Variants in PACS2 observed in about 807,000 individuals in gnomAD.
PACS2 encodes phosphofurin acidic cluster sorting protein 2.
In PACS2, 36 loss-of-function variants were observed where a neutral mutation model predicts 113.0. The ratio of observed to expected loss-of-function variants is 0.32; its 90% CI spans 0.24 to 0.42. The LOEUF is 0.42. Among genes scored for constraint, PACS2 ranks in the 10% least tolerant of loss-of-function variants. The probability of loss-of-function intolerance (pLI) is 1.00; values close to 1 mark genes in which losing one functional copy is unlikely to be tolerated. For synonymous variants in PACS2, 589 were observed against 536.1 expected (o/e 1.10, Z -1.36); for missense variants, 1,015 against 1,239.5 (o/e 0.82, Z 2.72).
upstream of PACS2, among the ~76,000 whole-genome samples, chr14:105,309,637 G>C (rs1386414382): frequency 6.6e-6 from 1 of 152,240 alleles, no homozygotes; most frequent in African/African-American, 2.4e-5. The surrounding 1 kb of genome is among the most constrained non-coding windows in gnomAD (Gnocchi z 4.0). Context: ...CCTGCCCCAG[G>C]TGCTGTGTGA....
rs766738384 is a variant in PACS2 at position 105,329,537 on chromosome 14, G to T, written c.119+14500G>T. Reference sequence around the variant, plus strand: ...ATGCTCTAGATCCTTGGGCTCATGGGGCAGTAGAGTGGGGGGCTGTGGTCC... The same window carrying T: ...ATGCTCTAGATCCTTGGGCTCATGGTGCAGTAGAGTGGGGGGCTGTGGTCC... On this transcript the variant is annotated intron_variant, in intron 1 of 24. Transcript: ENST00000447393. This position sits in a 1 kb window ranked among gnomAD's most constrained non-coding sequence, Gnocchi z 6.4. 1.2e-4 allele frequency among the ~76,000 whole-genome samples: 19 copies of T among 152,132 alleles called. No individual in the cohort carries two copies. The highest frequency in any genetic ancestry group is 2.4e-4 in the Non-Finnish European group (16 of 68,024).
Position 105,368,559 on chromosome 14 carries a change from A to G in PACS2, c.741+20A>G, listed in dbSNP as rs587684556. On this transcript the variant is annotated intron_variant, in intron 7 of 24. Coordinates refer to ENST00000447393, the MANE Select transcript of PACS2 (RefSeq NM_001100913.3). ...ACCAGGGTTGGTGGAGACTGCTTCT[A>G]TGAATGCTGGGGAAGGCGAGGGTCG... The G allele has an allele frequency of 1.6e-5, 26 of 1,594,362 alleles. No individual in the cohort carries two copies. Among genetic ancestry groups the G allele is most frequent in the East Asian group, 1.1e-4 (5 of 44,766 alleles).
intron 2 of PACS2, among the ~76,000 whole-genome samples, chr14:105,349,731 A>G (rs1555403466): frequency 6.6e-6 from 1 of 152,274 alleles, no homozygotes. Context: ...GCAGCAGCCT[A>G]CATCTGCGGC....
chr14:105,313,497 G>GA (rs2058410955), upstream of PACS2, among the ~76,000 whole-genome samples: 1 of 152,244 alleles, frequency 6.6e-6, no homozygotes, highest in Non-Finnish European at 1.5e-5. Context: ...TCCGAAGTGG[G>GA]ACCCTGACTT....
At chr14:105,309,759 A>C (rs1296681939), upstream of PACS2, among the ~76,000 whole-genome samples, 13 of 144,894 alleles carry the variant, frequency 9.0e-5, no homozygotes. The surrounding 1 kb of genome is among the most constrained non-coding windows in gnomAD (Gnocchi z 4.0). Context: ...CATTAAGGAG[A>C]AGGTGGTGAT....
At position 105,357,934 on chromosome 14, in the gene PACS2, C is replaced by T. The variant is rs2060518811; in HGVS notation, c.423+2757C>T. On this transcript the variant is annotated intron_variant, in intron 4 of 24. Transcript: ENST00000447393. The surrounding 1 kb of genome is among the most constrained non-coding windows in gnomAD (Gnocchi z 5.1). The stretch of plus-strand genomic sequence containing the variant: ...GGTGAGGCGGGCTGTTGGGCGGACT[C>T]GAGGCCAGGGCTGAGAGTGTGGTGG... Among the ~76,000 whole-genome samples, 2 of 152,034 alleles carry T rather than the reference C, an allele frequency of 1.3e-5. No homozygotes were observed. The highest frequency in any genetic ancestry group is 2.4e-5 in the African/African-American group (1 of 41,398).
intron 22 of PACS2, chr14:105,392,101 C>T (rs909251016): frequency 1.8e-5 from 7 of 386,172 alleles, no homozygotes; most frequent in African/African-American, 1.3e-4. Context: ...TCTAGACGGT[C>T]CTCATGGGAT....
intron 8 of PACS2, among the ~76,000 whole-genome samples, chr14:105,374,120 A>G (rs1447433212): frequency 6.7e-6 from 1 of 149,898 alleles, no homozygotes; most frequent in Non-Finnish European, 1.5e-5. Flanking sequence ...GCATCATTGC[A>G]CTCCAGCCTG....
chr14:105,390,995 G>A (rs374740742), intron 20 of PACS2: 29 of 596,910 alleles, frequency 4.9e-5, no homozygotes, highest in Non-Finnish European at 7.8e-5. Flanking sequence ...CTGAGGCCAC[G>A]CACCCTGAGC....
chr14:105,339,893 C>T (rs938437811), intron 1 of PACS2, among the ~76,000 whole-genome samples: 1 of 152,232 alleles, frequency 6.6e-6, no homozygotes, highest in East Asian at 1.9e-4. Flanking sequence ...ATCAGCCCTC[C>T]TCGGCCTCCC....
intron 1 of PACS2, among the ~76,000 whole-genome samples, chr14:105,322,129 G>C (rs1428552053): frequency 6.6e-6 from 1 of 151,556 alleles, no homozygotes; most frequent in South Asian, 2.1e-4. Context: ...GTAGAGACGG[G>C]GTTTCACCAT....
In PACS2 at chr14:105,358,841, C is replaced by T. The variant is rs1052489529; in HGVS notation, c.423+3664C>T. 2.6e-5 allele frequency among the ~76,000 whole-genome samples: 4 copies of T among 152,182 alleles called. No individual in the cohort carries two copies. Among genetic ancestry groups the T allele is most frequent in the Admixed American group, 6.5e-5 (1 of 15,280 alleles). On this transcript the variant is annotated intron_variant, in intron 4 of 24. Coordinates refer to ENST00000447393, the MANE Select transcript of PACS2 (RefSeq NM_001100913.3). The surrounding 1 kb of genome is among the most constrained non-coding windows in gnomAD (Gnocchi z 4.9). Reference sequence around the variant, plus strand: ...GACAGCGCGGGAGCGTCACCCTGACCGTTTGCATGCTGGATTCCCTTTAGT... The same window carrying T: ...GACAGCGCGGGAGCGTCACCCTGACTGTTTGCATGCTGGATTCCCTTTAGT...
At chr14:105,382,644 A>C in intron 14 of PACS2, 63 bp downstream of exon 14, 1 of 1,126,178 alleles carries the variant, frequency 8.9e-7, no homozygotes. Context: ...TGGGTTCCTG[A>C]AGCTGCCCCC....
chr14:105,380,164 C>T lies in PACS2; in HGVS notation c.1125+10C>T. 6.5e-7 allele frequency: 1 copy of T among 1,549,494 alleles called. No homozygotes were observed. The highest frequency in any genetic ancestry group is 8.7e-7 in the Non-Finnish European group (1 of 1,145,982). The stretch of plus-strand genomic sequence containing the variant: ...TGACACGGTGGCCCTCGTAAGCAGG[C>T]TTGGGCCGCACCCACCCGTTCCACA... On this transcript the variant is annotated intron_variant, in intron 11 of 24. Transcript: ENST00000447393.
chr14:105,302,430 C>T (rs1230905147), intron 1 of PACS2, among the ~76,000 whole-genome samples: 3 of 151,808 alleles, frequency 2.0e-5, no homozygotes, highest in Admixed American at 6.6e-5. Flanking sequence ...CTTGAACTCC[C>T]GACCTCAGGT....
intron 2 of PACS2, among the ~76,000 whole-genome samples, chr14:105,349,585 C>G (rs1274350765): frequency 1.3e-5 from 2 of 152,288 alleles, no homozygotes; most frequent in African/African-American, 4.8e-5. Flanking sequence ...GGTCACCAGC[C>G]AAGCACTGGG....
intron 1 of PACS2, among the ~76,000 whole-genome samples, chr14:105,326,526 T>C (rs750050532): frequency 2.6e-5 from 4 of 152,224 alleles, no homozygotes; most frequent in Non-Finnish European, 5.9e-5. Context: ...CGGCTCAGGC[T>C]TCAGGCAGTG....
intron 1 of PACS2, among the ~76,000 whole-genome samples, chr14:105,316,745 G>C (rs1209829971): frequency 2.0e-5 from 3 of 151,922 alleles, no homozygotes; most frequent in Admixed American, 2.0e-4. Flanking sequence ...TAGGACAGGC[G>C]GGGGTAGATG....
At chr14:105,334,086 C>T (rs587683338) in intron 1 of PACS2, among the ~76,000 whole-genome samples, 15 of 152,340 alleles carry the variant, frequency 9.8e-5, no homozygotes, top group Non-Finnish European at 2.2e-4. Context: ...TCCACGATGC[C>T]CTGTCTGGTC....
Sources: allele counts gnomAD v4.1 joint callset (sites outside exome capture counted in the v4.1 genomes callset), GRCh38; gene constraint gnomAD v4.1.1; non-coding constraint Gnocchi (gnomAD v3.1); transcripts MANE v1.5; gene names NCBI Gene and HGNC (gene_info 2026-07-23, HGNC 2026-07-21).